Variants in FRMPD4 observed in about 807,000 individuals in gnomAD.
FRMPD4 encodes FERM and PDZ domain-containing protein 4.
FRMPD4 carries 22 observed loss-of-function variants against 94.1 expected under a neutral mutation model. The ratio of observed to expected loss-of-function variants is 0.23; its 90% CI spans 0.17 to 0.33. The LOEUF (loss-of-function observed/expected upper bound fraction) is 0.33, where lower values mean the gene tolerates loss of function less well. Among genes scored for constraint, FRMPD4 ranks in the 10% least tolerant of loss-of-function variants. The pLI is 1.00. For missense variants in FRMPD4, 1,111 were observed against 1,339.9 expected, an observed-to-expected ratio of 0.83 and a Z score of 2.67; for synonymous variants, 631 against 548.6, an observed-to-expected ratio of 1.15 and a Z score of -2.10.
chrX:12,345,119 CAGACAAATG>C (rs1445197237), intron 1 of FRMPD4, among the ~76,000 whole-genome samples: 1 of 97,234 alleles, frequency 1.0e-5, no homozygotes, highest in African/African-American at 3.9e-5. Flanking sequence ...GATGAACAGA[CAGACAAATG>C]AAAGGATGGA....
intron 8 of FRMPD4, among the ~76,000 whole-genome samples, chrX:12,691,600 G>A (rs1396891934): frequency 1.8e-5 from 2 of 111,948 alleles, no homozygotes; most frequent in Non-Finnish European, 3.8e-5. Context: ...CATGTGAAAG[G>A]TCAGTGTCTG....
chrX:12,095,549 T>A (rs778188445), intron 3 of FRMPD4, among the ~76,000 whole-genome samples: 60 of 111,574 alleles, frequency 5.4e-4, no homozygotes, highest in South Asian at 7.6e-4. Flanking sequence ...AGAGACTATG[T>A]TGCCCACAAA....
chrX:12,543,310 G>C (rs1428283516), intron 2 of FRMPD4, among the ~76,000 whole-genome samples: 1 of 111,459 alleles, frequency 9.0e-6, no homozygotes, highest in African/African-American at 3.3e-5. Context: ...GCAACCTACA[G>C]AATGGGAGAA....
chrX:12,441,449 T>C (rs1477548106), intron 1 of FRMPD4, among the ~76,000 whole-genome samples: 1 of 111,388 alleles, frequency 9.0e-6, no homozygotes, highest in Non-Finnish European at 1.9e-5. Context: ...TTGTTTTTTT[T>C]CCCCCTTCTC....
chrX:12,279,532 T>A (rs1006234891), intron 1 of FRMPD4, among the ~76,000 whole-genome samples: 4 of 112,144 alleles, frequency 3.6e-5, no homozygotes, highest in African/African-American at 1.3e-4. Context: ...TCTCTGTTTC[T>A]TAAAGACCAG....
intron 4 of FRMPD4, among the ~76,000 whole-genome samples, chrX:12,665,983 T>C (rs776146687): frequency 5.8e-4 from 64 of 110,887 alleles, no homozygotes; most frequent in African/African-American, 2.0e-3. Context: ...GACTGGCGAA[T>C]TGGATAAAGA....
At chrX:11,979,371 T>C (rs1334472017) in intron 3 of FRMPD4, among the ~76,000 whole-genome samples, 1 of 112,221 alleles carries the variant, frequency 8.9e-6, no homozygotes, top group African/African-American at 3.2e-5. Flanking sequence ...TTATGAATAA[T>C]GGTCTTCTGA....
At chrX:12,337,228 T>C (rs763539055) in intron 1 of FRMPD4, among the ~76,000 whole-genome samples, 16 of 112,241 alleles carry the variant, frequency 1.4e-4, no homozygotes, top group South Asian at 3.8e-4. Flanking sequence ...CGTAGGCAAG[T>C]GTTCATTAAG....
intron 1 of FRMPD4, among the ~76,000 whole-genome samples, chrX:12,169,148 T>C (rs1305709114): frequency 8.9e-6 from 1 of 111,856 alleles, no homozygotes; most frequent in Non-Finnish European, 1.9e-5. Flanking sequence ...TTGTTCAAAA[T>C]AGATGTAAGT....
At chrX:11,862,625 C>T (rs188834946) in intron 1 of FRMPD4, among the ~76,000 whole-genome samples, 7 of 110,783 alleles carry the variant, frequency 6.3e-5, no homozygotes, top group African/African-American at 2.3e-4. Context: ...AATGACTGAG[C>T]ATGATGGGGA....
chrX:12,063,269 T>C (rs2054897347), intron 3 of FRMPD4, among the ~76,000 whole-genome samples: 1 of 111,263 alleles, frequency 9.0e-6, no homozygotes, highest in African/African-American at 3.3e-5. Flanking sequence ...CTTGGAAGGC[T>C]GAGGTGGGAA....
intron 1 of FRMPD4, among the ~76,000 whole-genome samples, chrX:12,423,159 C>T (rs748835340): frequency 1.8e-5 from 2 of 110,498 alleles, no homozygotes; most frequent in South Asian, 7.9e-4. Flanking sequence ...AATTCCGGCT[C>T]CTGAAGTGTT....
chrX:12,355,274 C>T (rs2055878770), intron 1 of FRMPD4, among the ~76,000 whole-genome samples: 1 of 110,253 alleles, frequency 9.1e-6, no homozygotes, highest in Non-Finnish European at 1.9e-5. Context: ...CTCCTGGGCT[C>T]AAGTGATCTT....
chrX:12,093,093 G>A (rs142685992), intron 3 of FRMPD4, among the ~76,000 whole-genome samples: 1 of 111,475 alleles, frequency 9.0e-6, no homozygotes, highest in African/African-American at 3.3e-5. Context: ...GGAGACTTGT[G>A]TGGCTGGACT....
At chrX:12,393,525 A>C (rs749530651) in intron 1 of FRMPD4, among the ~76,000 whole-genome samples, 1 of 112,002 alleles carries the variant, frequency 8.9e-6, no homozygotes, top group Admixed American at 9.4e-5. Context: ...AAGAACTGTA[A>C]ATTTCTAAAG....
chrX:12,075,350 G>A (rs1418882726), intron 3 of FRMPD4, among the ~76,000 whole-genome samples: 1 of 108,691 alleles, frequency 9.2e-6, no homozygotes, highest in Non-Finnish European at 1.9e-5. Context: ...TTATGTGTGT[G>A]TGGGGGGTGG....
intron 3 of FRMPD4, among the ~76,000 whole-genome samples, chrX:12,111,443 G>A (rs1166419250): frequency 2.7e-5 from 3 of 111,395 alleles, no homozygotes; most frequent in Non-Finnish European, 5.7e-5. Context: ...AGACTTAAAC[G>A]TTAGACCTAA....
chrX:12,552,055 A>G (rs2058543697), intron 2 of FRMPD4, among the ~76,000 whole-genome samples: 1 of 111,630 alleles, frequency 9.0e-6, no homozygotes, highest in Non-Finnish European at 1.9e-5. Context: ...AAGGTGGCCA[A>G]TGATGTTTTC....
At chrX:12,343,767 T>C (rs2055656462) in intron 1 of FRMPD4, among the ~76,000 whole-genome samples, 2 of 112,021 alleles carry the variant, frequency 1.8e-5, no homozygotes, top group South Asian at 7.6e-4. Context: ...CACTTATTTA[T>C]TGGTCTCCAC....
Sources: gnomAD v4.1 joint callset for allele counts (sites outside exome capture counted in the v4.1 genomes callset) on GRCh38, gnomAD v4.1.1 for gene constraint, MANE v1.5 for transcripts, NCBI Gene and HGNC (gene_info 2026-07-23, HGNC 2026-07-21) for gene names.